COL14A1: variants seen among roughly 807,000 people sequenced by gnomAD.
The protein encoded by COL14A1 is collagen type XIV alpha 1 chain.
COL14A1 carries 136 observed loss-of-function variants against 230.3 expected under a neutral mutation model. The ratio of observed to expected loss-of-function variants is 0.59; its 90% CI spans 0.51 to 0.68. COL14A1 has a LOEUF of 0.68. Among genes scored for constraint, COL14A1 ranks in the 30% least tolerant of loss-of-function variants. The pLI is 0.00. For synonymous variants in COL14A1, 792 were observed against 784.1 expected (o/e 1.01, Z -0.17); for missense variants, 1,976 against 2,215.8 (o/e 0.89, Z 2.17).
chr8:120,315,816 T>C, intron 39 of COL14A1, 128 bp from the exon 40 acceptor site: 5 of 989,408 alleles, frequency 5.1e-6, no homozygotes, highest in Non-Finnish European at 7.7e-6. Flanking sequence ...GTCTGAATTC[T>C]AGGTTACAAA....
Position 120,203,846 on chromosome 8 carries a change from G to A in COL14A1, c.1015G>A (p.Glu339Lys), listed in dbSNP as rs180890911. 1.2e-6 allele frequency: 2 copies of A among 1,613,866 alleles called. No individual in the cohort carries two copies. The highest frequency in any genetic ancestry group is 3.3e-5 in the Admixed American group (2 of 59,998). The change falls in exon 9 of 48, where the codon GAA (glutamate) becomes AAA (lysine). Residue 339 changes from glutamate (E) to lysine (K), a missense_variant. Glu to Lys is a moderately conservative substitution (Grantham distance 56). Transcript: ENST00000297848. Reference sequence around the variant, plus strand: ...GACCAGGACTCTCTGCTCTAGAGTGGAAGAACAGGACAGAGAAATTAAAGG... The same window carrying A: ...GACCAGGACTCTCTGCTCTAGAGTGAAAGAACAGGACAGAGAAATTAAAGG... ...SLTRTLCSRV[E>K]EQDREIKASA...
chr8:120,338,196 A>T (rs928765709), intron 42 of COL14A1, among the ~76,000 whole-genome samples: 1 of 152,228 alleles, frequency 6.6e-6, no homozygotes, highest in African/African-American at 2.4e-5. Context: ...AATAGATTTT[A>T]AAAAAACGAC....
intron 5 of COL14A1, among the ~76,000 whole-genome samples, chr8:120,180,233 C>T (rs958815569): frequency 1.4e-4 from 21 of 152,330 alleles, no homozygotes; most frequent in African/African-American, 4.8e-4. Flanking sequence ...AATGTTTTCA[C>T]TTAAATGTAA....
chr8:120,307,608 G>A (rs1820893127), intron 36 of COL14A1, among the ~76,000 whole-genome samples: 1 of 152,060 alleles, frequency 6.6e-6, no homozygotes, highest in Non-Finnish European at 1.5e-5. Context: ...ACTGAGTAAA[G>A]TATATAAATA....
At chr8:120,323,010 C>T (rs1821512756) in intron 40 of COL14A1, among the ~76,000 whole-genome samples, 3 of 152,212 alleles carry the variant, frequency 2.0e-5, no homozygotes, top group Admixed American at 2.0e-4. Flanking sequence ...CTAGTTTACA[C>T]TCCCACCAAT....
chr8:120,295,909 G>A (rs1002869372), intron 34 of COL14A1, among the ~76,000 whole-genome samples: 1 of 151,816 alleles, frequency 6.6e-6, no homozygotes, highest in African/African-American at 2.4e-5. Context: ...AGGCAGTCTA[G>A]CTCCATACTC....
At chr8:120,243,843 CT>C in intron 19 of COL14A1, 35 bp from the exon 20 acceptor site, 1 of 1,605,138 alleles carries the variant, frequency 6.2e-7, no homozygotes, top group Non-Finnish European at 8.5e-7. Flanking sequence ...GGAAACGGGT[CT>C]CACTAAGACT....
At chr8:120,340,199 A>C (rs937728469) in intron 42 of COL14A1, among the ~76,000 whole-genome samples, 1 of 152,018 alleles carries the variant, frequency 6.6e-6, no homozygotes, top group Non-Finnish European at 1.5e-5. Context: ...TGGGCTGCTT[A>C]TATCTGCACT....
chr8:120,309,768 C>A (rs912945088), intron 36 of COL14A1, among the ~76,000 whole-genome samples: 1 of 151,986 alleles, frequency 6.6e-6, no homozygotes, highest in African/African-American at 2.4e-5. Flanking sequence ...AAAATCTTAC[C>A]ATTTTTCAAT....
intron 1 of COL14A1, among the ~76,000 whole-genome samples, chr8:120,135,905 T>G (rs1028958663): frequency 6.6e-6 from 1 of 152,120 alleles, no homozygotes; most frequent in African/African-American, 2.4e-5. Flanking sequence ...TTCTTTTTAT[T>G]TATTTTCTGC....
intron 40 of COL14A1, among the ~76,000 whole-genome samples, chr8:120,317,049 G>C (rs1821258461): frequency 6.6e-6 from 1 of 152,116 alleles, no homozygotes; most frequent in Admixed American, 6.5e-5. Flanking sequence ...GGACACAGAG[G>C]CTGGTCTTCC....
At chr8:120,282,228 G>A (rs572254224) in intron 31 of COL14A1, among the ~76,000 whole-genome samples, 122 of 152,102 alleles carry the variant, frequency 8.0e-4, no homozygotes, top group Non-Finnish European at 1.2e-3. Flanking sequence ...GTAAACTATC[G>A]CAAGAACAAA....
At position 120,228,716 on chromosome 8, in the gene COL14A1, G is replaced by C; in HGVS notation, c.2144G>C (p.Ser715Thr). Reference sequence around the variant, plus strand: ...AGTAATATATTGCTTTTAGTTGACAGTTTTTGGACAGAACCAGCTACAACC... The same window carrying C: ...AGTAATATATTGCTTTTAGTTGACACTTTTTGGACAGAACCAGCTACAACC... ...VVTAVGTTLD[S>T]FWTEPATTIV... The change falls in exon 18 of 48, where the codon AGT (serine) becomes ACT (threonine). Residue 715 changes from serine (S) to threonine (T), a missense_variant. Physicochemically the swap from Ser to Thr is moderately conservative, Grantham distance 58 (BLOSUM62 1). This residue lies in a region of COL14A1 where 1,791 missense variants were observed against 2,019.5 expected (regional missense o/e 0.89). Transcript: ENST00000297848. 1 of 1,613,638 alleles carries C rather than the reference G, an allele frequency of 6.2e-7. No individual in the cohort carries two copies. The highest frequency in any genetic ancestry group is 8.5e-7 in the Non-Finnish European group (1 of 1,179,636).
intron 14 of COL14A1, among the ~76,000 whole-genome samples, chr8:120,224,306 C>T (rs1253818359): frequency 2.6e-5 from 4 of 152,014 alleles, no homozygotes; most frequent in Non-Finnish European, 5.9e-5. Context: ...GGATTGCAGG[C>T]GTGTAATCGT....
chr8:120,180,909 G>A (rs1337381871), intron 5 of COL14A1, among the ~76,000 whole-genome samples: 3 of 151,988 alleles, frequency 2.0e-5, no homozygotes, highest in East Asian at 1.9e-4. Flanking sequence ...GTTTCCCCAT[G>A]TTGGCCAGGC....
At position 120,232,674 on chromosome 8, in the gene COL14A1, G is replaced by A. The variant is rs1818313120; in HGVS notation, c.2349+1056G>A. Among the ~76,000 whole-genome samples the A allele has an allele frequency of 2.0e-5, 3 of 152,254 alleles. No homozygotes were observed. In the South Asian group the frequency reaches 6.2e-4, roughly 32 times the overall value. ...TCTTTATCCAGTCTATCATTGATGG[G>A]CATTTGGGCTGGTTCCAAGTCTTTG... On this transcript the variant is annotated intron_variant, in intron 19 of 47. Transcript: ENST00000297848.
At chr8:120,300,926 A>C in intron 36 of COL14A1, 108 bp downstream of exon 36, 1 of 824,508 alleles carries the variant, frequency 1.2e-6, no homozygotes, top group Non-Finnish European at 2.0e-6. Context: ...TTACTCACTT[A>C]ATTGTAGGAA....
At chr8:120,240,656 G>A (rs926906867) in intron 19 of COL14A1, among the ~76,000 whole-genome samples, 17 of 152,168 alleles carry the variant, frequency 1.1e-4, no homozygotes, top group African/African-American at 3.4e-4. Flanking sequence ...TGATAAGCTT[G>A]TGTACTGAAG....
intron 9 of COL14A1, among the ~76,000 whole-genome samples, chr8:120,204,129 G>T (rs1817350310): frequency 6.6e-6 from 1 of 152,160 alleles, no homozygotes; most frequent in South Asian, 2.1e-4. Flanking sequence ...TTAATTTTAA[G>T]ATAGTTATAC....
Sources: gnomAD v4.1 joint callset for allele counts (sites outside exome capture counted in the v4.1 genomes callset) on GRCh38, gnomAD v4.1.1 for gene constraint, gnomAD v4.1.1 regional missense constraint, MANE v1.5 for transcripts, NCBI Gene and HGNC (gene_info 2026-07-23, HGNC 2026-07-21) for gene names.